Variants in ACTR3 observed in about 807,000 individuals in gnomAD.
ACTR3 encodes actin related protein 3, also known as actin-related protein 3.
ACTR3 carries 12 observed loss-of-function variants against 56.8 expected under a neutral mutation model. That is an observed-to-expected ratio of 0.21 (90% CI 0.14 to 0.34). ACTR3 has a LOEUF of 0.34. ACTR3 is among the 10% of genes least tolerant of loss of function. The pLI is 1.00. For missense variants in ACTR3, 282 were observed against 512.5 expected (o/e 0.55, Z 4.34); for synonymous variants, 162 against 167.4 (o/e 0.97, Z 0.25).
Position 113,957,660 on chromosome 2 carries a change from G to C in ACTR3, c.*205G>C. 2.2e-6 allele frequency: 1 copy of C among 462,632 alleles called. No homozygotes were observed. Among genetic ancestry groups the C allele is most frequent in the Non-Finnish European group, 3.9e-6 (1 of 257,190 alleles). The allele number at this position is 462,632 out of a possible 1,614,324, so 28.7% of individuals were successfully genotyped here. On this transcript the variant is annotated 3_prime_UTR_variant, in exon 12 of 12. Transcript: ENST00000263238. ...AAGTGATTGTGTTTTTCTTTAGATTGAATATTTGAATCTTATGTGTAACAA... is the reference window on the plus strand; with the variant it reads ...AAGTGATTGTGTTTTTCTTTAGATTCAATATTTGAATCTTATGTGTAACAA...
chr2:113,942,101 A>G, intron 7 of ACTR3, 85 bp from the exon 8 acceptor site: 1 of 1,044,624 alleles, frequency 9.6e-7, no homozygotes, highest in Non-Finnish European at 1.3e-6. Context: ...TTTTTATTGG[A>G]TTATAGTTTA....
intron 6 of ACTR3, among the ~76,000 whole-genome samples, chr2:113,937,451 A>G (rs886133749): frequency 1.2e-4 from 19 of 152,168 alleles, no homozygotes; most frequent in Non-Finnish European, 2.1e-4. Context: ...AGTGCTCTCT[A>G]TTCCTTTGTG....
At chr2:113,910,819 A>G (rs559001950) in intron 1 of ACTR3, among the ~76,000 whole-genome samples, 84 of 152,304 alleles carry the variant, frequency 5.5e-4, no homozygotes, top group Middle Eastern at 6.8e-3. Flanking sequence ...AGAATTGGAA[A>G]TACTGTTTTG....
intron 3 of ACTR3, among the ~76,000 whole-genome samples, chr2:113,920,724 A>G (rs1313277649): frequency 6.6e-6 from 1 of 152,170 alleles, no homozygotes; most frequent in Non-Finnish European, 1.5e-5. Flanking sequence ...GCTTTTGCAC[A>G]TGAATGAGAA....
chr2:113,934,518 C>G (rs1371754731), intron 6 of ACTR3, 132 bp downstream of exon 6: 1 of 526,582 alleles, frequency 1.9e-6, no homozygotes, highest in African/African-American at 2.0e-5. Context: ...CCAGTTATAG[C>G]TATGTTTTGC....
At chr2:113,941,349 G>A (rs1217223378) in intron 7 of ACTR3, among the ~76,000 whole-genome samples, 1 of 152,120 alleles carries the variant, frequency 6.6e-6, no homozygotes, top group East Asian at 1.9e-4. Flanking sequence ...GAAGATTGAT[G>A]GTCATTCTGA....
chr2:113,908,129 T>G (rs185232200), intron 1 of ACTR3, among the ~76,000 whole-genome samples: 105 of 152,186 alleles, frequency 6.9e-4, no homozygotes, highest in Non-Finnish European at 1.3e-3. Flanking sequence ...ATTTGTATTA[T>G]TACAAAAATA....
chr2:113,950,397 A>G (rs1680098712), intron 8 of ACTR3, among the ~76,000 whole-genome samples: 1 of 152,228 alleles, frequency 6.6e-6, no homozygotes, highest in Non-Finnish European at 1.5e-5. Flanking sequence ...ACACTTGTTT[A>G]TAGTATGAGA....
At chr2:113,923,869 A>G in intron 3 of ACTR3, among the ~76,000 whole-genome samples, 1 of 151,730 alleles carries the variant, frequency 6.6e-6, no homozygotes. Context: ...TTCCTTGACT[A>G]CATCTTCACC....
chr2:113,944,463 G>A (rs939572797), intron 8 of ACTR3, among the ~76,000 whole-genome samples: 2 of 151,572 alleles, frequency 1.3e-5, no homozygotes, highest in African/African-American at 4.9e-5. Context: ...TTTTTTATGA[G>A]GTGGAATCAA....
At chr2:113,930,063 A>G (rs1007039891) in intron 4 of ACTR3, among the ~76,000 whole-genome samples, 1 of 152,086 alleles carries the variant, frequency 6.6e-6, no homozygotes, top group East Asian at 1.9e-4. Context: ...ATTTTCTGAT[A>G]ATTATGTTGA....
intron 5 of ACTR3, chr2:113,934,015 A>G (rs1007679450): frequency 5.3e-6 from 2 of 378,126 alleles, no homozygotes; most frequent in African/African-American, 4.4e-5. Flanking sequence ...TAGGACAGAA[A>G]TAGCCTTTAT....
chr2:113,923,716 A>G (rs529723487), intron 3 of ACTR3, among the ~76,000 whole-genome samples: 5 of 146,594 alleles, frequency 3.4e-5, no homozygotes, highest in African/African-American at 1.3e-4. Context: ...TTCTCTAGGC[A>G]CTGCTTTCAG....
At chr2:113,949,761 C>T (rs1387299022) in intron 8 of ACTR3, among the ~76,000 whole-genome samples, 1 of 152,114 alleles carries the variant, frequency 6.6e-6, no homozygotes, top group Non-Finnish European at 1.5e-5. Flanking sequence ...CAGGGTCTCG[C>T]TATGTTGCCC....
intron 1 of ACTR3, among the ~76,000 whole-genome samples, chr2:113,898,497 A>T (rs1679046898): frequency 6.6e-6 from 1 of 152,174 alleles, no homozygotes; most frequent in South Asian, 2.1e-4. Flanking sequence ...TAATTGGAAT[A>T]ACATAATGTA....
intron 2 of ACTR3, among the ~76,000 whole-genome samples, chr2:113,914,795 G>C (rs568501865): frequency 6.6e-6 from 1 of 152,138 alleles, no homozygotes; most frequent in South Asian, 2.1e-4. Context: ...TAAGAACTTA[G>C]GCTACTGCCT....
chr2:113,890,028 A>G (rs947832678), upstream of ACTR3: 3 of 523,678 alleles, frequency 5.7e-6, no homozygotes, highest in East Asian at 3.2e-5. Context: ...AGTGAGGAGG[A>G]GGGAAGAGAG....
intron 1 of ACTR3, among the ~76,000 whole-genome samples, chr2:113,907,840 C>T (rs542637173): frequency 2.1e-4 from 32 of 151,660 alleles, no homozygotes; most frequent in Middle Eastern, 3.4e-3. Flanking sequence ...GGCATGGTGG[C>T]GCATGCCTGT....
At chr2:113,897,865 A>G (rs943720388) in intron 1 of ACTR3, among the ~76,000 whole-genome samples, 2 of 152,200 alleles carry the variant, frequency 1.3e-5, no homozygotes, top group East Asian at 1.9e-4. Context: ...GATACTCAAC[A>G]TGCCATGTTT....
Sources: gnomAD v4.1 joint callset for allele counts (sites outside exome capture counted in the v4.1 genomes callset) on GRCh38, gnomAD v4.1.1 for gene constraint, MANE v1.5 for transcripts, NCBI Gene and HGNC (gene_info 2026-07-23, HGNC 2026-07-21) for gene names.